Variants in MYH6 observed in about 807,000 individuals in gnomAD.
MYH6 encodes myosin heavy chain 6.
A neutral mutation model predicts 223.2 loss-of-function variants in MYH6; 126 were observed. The ratio of observed to expected loss-of-function variants is 0.56; its 90% CI spans 0.49 to 0.65. The LOEUF (loss-of-function observed/expected upper bound fraction) is 0.65, where lower values mean the gene tolerates loss of function less well. MYH6 is among the 30% of genes least tolerant of loss of function. The pLI is 0.00. For synonymous variants in MYH6, 978 were observed against 1,010.2 expected (o/e 0.97, Z 0.61); for missense variants, 2,040 against 2,536.4 (o/e 0.80, Z 4.20).
In MYH6 at chr14:23,399,056, G is replaced by A. The variant is rs368446209; in HGVS notation, c.1582-19C>T. 4.6e-5 allele frequency: 75 copies of A among 1,613,416 alleles called. No individual in the cohort carries two copies. Among genetic ancestry groups the A allele is most frequent in the Non-Finnish European group, 5.9e-5 (70 of 1,179,602 alleles). On this transcript the variant is annotated intron_variant, in intron 14 of 38. Coordinates refer to ENST00000405093, the MANE Select transcript of MYH6 (RefSeq NM_002471.4). ...CCATGGGCTGAGGGCAGGGTGAAGAGGCAAAGAGAGAATCACTGAGCACAC... is the reference window on the plus strand; with the variant it reads ...CCATGGGCTGAGGGCAGGGTGAAGAAGCAAAGAGAGAATCACTGAGCACAC...
chr14:23,389,534 G>A (rs774894700), intron 27 of MYH6, 23 bp from the exon 28 acceptor site: 2 of 1,614,224 alleles, frequency 1.2e-6, no homozygotes, highest in Non-Finnish European at 8.5e-7. Flanking sequence ...TGAGGGGCTT[G>A]TGGGCCATTT....
chr14:23,405,703 A>G lies in MYH6; in HGVS notation c.269T>C (p.Met90Thr), dbSNP rs919307122. The change falls in exon 4 of 39, where the codon ATG becomes ACG. Residue 90 changes from methionine (M) to threonine (T), a missense_variant. Physicochemically the swap from Met to Thr is moderately conservative, Grantham distance 81. This residue lies in a region of MYH6 where 184 missense variants were observed against 232.4 expected (regional missense o/e 0.79). Transcript: ENST00000405093. This position sits in a 1 kb window ranked among gnomAD's most constrained non-coding sequence, Gnocchi z 4.7. ...NPPKFDKIED[M>T]AMLTFLHEPA... ...CTCGTGCAGGAAGGTCAGCATGGCC[A>G]TGTCCTCAATCTTGTCGAACTTGGG... 7 of 1,614,046 alleles carry G rather than the reference A, an allele frequency of 4.3e-6. No individual in the cohort carries two copies. Among genetic ancestry groups the G allele is most frequent in the Non-Finnish European group, 5.9e-6 (7 of 1,180,024 alleles).
intron 36 of MYH6, among the ~76,000 whole-genome samples, 156 bp from the exon 37 acceptor site, chr14:23,383,476 T>C (rs1890923666): frequency 6.6e-6 from 1 of 152,164 alleles, no homozygotes; most frequent in Admixed American, 6.5e-5. Flanking sequence ...TCTGACTCTA[T>C]CGTAGGTCAA....
At chr14:23,402,245 G>A (rs1213766531) in intron 12 of MYH6, among the ~76,000 whole-genome samples, 1 of 152,166 alleles carries the variant, frequency 6.6e-6, no homozygotes, top group African/African-American at 2.4e-5. Context: ...GGCACAGGAG[G>A]AAAATTCCCC....
At chr14:23,406,917 C>A in intron 3 of MYH6, 106 bp downstream of exon 3, 1 of 1,256,652 alleles carries the variant, frequency 8.0e-7, no homozygotes, top group South Asian at 1.2e-5. Context: ...CCCCACTGGC[C>A]TTGGCTTTTC....
At chr14:23,393,318 A>G (rs1595056028) in intron 23 of MYH6, 24 bp downstream of exon 23, 1 of 1,614,068 alleles carries the variant, frequency 6.2e-7, no homozygotes, top group Non-Finnish European at 8.5e-7. Flanking sequence ...CTCTGAGAGC[A>G]GGAGCATGGT....
At position 23,405,075 on chromosome 14, in the gene MYH6, C is replaced by T; in HGVS notation, c.530+25G>A. The stretch of plus-strand genomic sequence containing the variant: ...GTGTATGCCCCCAGCCCAGTCCCTT[C>T]TGTGGGAGGATGGCACTCGCTCACG... On this transcript the variant is annotated intron_variant, in intron 6 of 38. Transcript: ENST00000405093. The surrounding 1 kb of genome is among the most constrained non-coding windows in gnomAD (Gnocchi z 4.7). 6.2e-7 allele frequency: 1 copy of T among 1,614,128 alleles called. No individual in the cohort carries two copies. Among genetic ancestry groups the T allele is most frequent in the Non-Finnish European group, 8.5e-7 (1 of 1,180,044 alleles).
Position 23,396,680 on chromosome 14 carries a change from G to A in MYH6, c.2292+14C>T. 1 of 1,614,006 alleles carries A rather than the reference G, an allele frequency of 6.2e-7. No individual in the cohort carries two copies. The highest frequency in any genetic ancestry group is 8.5e-7 in the Non-Finnish European group (1 of 1,179,880). Reference sequence around the variant, plus strand: ...CACCTGCCCTGCAACCACCCAGTGGGGCTCTAGACTCACCTTGGTGTGGCC... The same window carrying A: ...CACCTGCCCTGCAACCACCCAGTGGAGCTCTAGACTCACCTTGGTGTGGCC... On this transcript the variant is annotated intron_variant, in intron 19 of 38. Transcript: ENST00000405093.
At chr14:23,383,794 C>A (rs1022000300) in intron 36 of MYH6, among the ~76,000 whole-genome samples, 1 of 152,210 alleles carries the variant, frequency 6.6e-6, no homozygotes, top group Non-Finnish European at 1.5e-5. Context: ...ATCACTGGCT[C>A]CAACGTCACT....
At chr14:23,390,015 C>A in intron 26 of MYH6, 42 bp downstream of exon 26, 1 of 1,613,448 alleles carries the variant, frequency 6.2e-7, no homozygotes. Flanking sequence ...GGAGGCTCCG[C>A]TGTGCAGGGG....
Position 23,396,420 on chromosome 14 carries a change from C to A in MYH6, c.2293G>T (p.Val765Leu). 1 of 1,613,744 alleles carries A rather than the reference C, an allele frequency of 6.2e-7. No homozygotes were observed. Among genetic ancestry groups the A allele is most frequent in the Non-Finnish European group, 8.5e-7 (1 of 1,180,032 alleles). Residue 765 changes from valine to leucine, a missense_variant and splice_region_variant, in exon 20 of 39, where the codon GTG (valine) becomes TTG (leucine). Coordinates refer to ENST00000405093, the MANE Select transcript of MYH6 (RefSeq NM_002471.4). ...CCAAGCAGCCCTGCCTTGAAGAACA[C>A]CTGCAGGCAAGGGGTAGATGCAACA... ...HNQYKFGHTK[V>L]FFKAGLLGLL...
chr14:23,397,150 A>C lies in MYH6; in HGVS notation c.2050+20T>G. On this transcript the variant is annotated intron_variant, in intron 17 of 38. Transcript: ENST00000405093. ...GGATGCCAGCTGTCCTCCCCAGACT[A>C]AGGTCTTCTCCTGGCTCACCTGGAG... The C allele has an allele frequency of 6.2e-7, 1 of 1,614,154 alleles. No homozygotes were observed. Among genetic ancestry groups the C allele is most frequent in the Non-Finnish European group, 8.5e-7 (1 of 1,180,000 alleles).
chr14:23,389,526 A>C lies in MYH6; in HGVS notation c.3860-15T>G, dbSNP rs200883903. 58 of 1,614,088 alleles carry C rather than the reference A, an allele frequency of 3.6e-5. No individual in the cohort carries two copies. In the East Asian group the frequency reaches 7.4e-4, roughly 20 times the overall value. ...GGCCAACTCTCCTGGAGGTGAAATG[A>C]GGGGCTTGTGGGCCATTTCACAAGT... On this transcript the variant is annotated splice_polypyrimidine_tract_variant and intron_variant, in intron 27 of 38. Transcript: ENST00000405093.
At chr14:23,399,079 C>T (rs749490386) in intron 14 of MYH6, 42 bp from the exon 15 acceptor site, 2 of 1,607,498 alleles carry the variant, frequency 1.2e-6, no homozygotes, top group Non-Finnish European at 1.7e-6. Context: ...TCACTGAGCA[C>T]ACTCCCAGGC....
In MYH6 at chr14:23,407,286, C is replaced by T; in HGVS notation, c.-13-50G>A. 1 of 1,602,908 alleles carries T rather than the reference C, an allele frequency of 6.2e-7. No individual in the cohort carries two copies. Among genetic ancestry groups the T allele is most frequent in the Non-Finnish European group, 8.5e-7 (1 of 1,172,454 alleles). On this transcript the variant is annotated intron_variant, in intron 2 of 38. Transcript: ENST00000405093. The surrounding 1 kb of genome is among the most constrained non-coding windows in gnomAD (Gnocchi z 5.6). The stretch of plus-strand genomic sequence containing the variant: ...GTTACTCCTGAGGGAGCCCAGGCTC[C>T]AGCGAGTGGCTTTGTCCTCTGCAGC...
chr14:23,392,875 C>T (rs370201664), intron 24 of MYH6, 37 bp downstream of exon 24: 187 of 1,611,226 alleles, frequency 1.2e-4, no homozygotes, highest in Non-Finnish European at 1.6e-4. Context: ...AGGCCAGACA[C>T]CTCCATTAGC....
In MYH6 at chr14:23,382,295, C is replaced by T. The variant is rs150341982; in HGVS notation, c.5796+133G>A. On this transcript the variant is annotated intron_variant, in intron 38 of 38. Coordinates refer to ENST00000405093, the MANE Select transcript of MYH6 (RefSeq NM_002471.4). ...GCTGTTTTGAGCAGGAGAGTGGATT[C>T]TCAGGTTATGTAAGCTATGGGACCC... The T allele has an allele frequency of 9.3e-3, 13,096 of 1,401,140 alleles. 78 individuals carry two copies. Among genetic ancestry groups the T allele is most frequent in the Non-Finnish European group, 0.012 (11,818 of 1,000,366 alleles). 86.8% of individuals were successfully genotyped at this position (1,401,140 alleles called of 1,614,324 possible).
rs372270600 is a variant in MYH6, at chr14:23,384,945, C to T, written c.5260G>A (p.Glu1754Lys). The change falls in exon 35 of 39, where the codon GAG becomes AAG. Residue 1754 changes from glutamate (E) to lysine (K), a missense_variant. Coordinates refer to ENST00000405093, the MANE Select transcript of MYH6 (RefSeq NM_002471.4). Reference sequence around the variant, plus strand: ...GTGATGGCCTTCTTGGCCTTCTCCTCGGCGTTTCTGCACTCCTGCACTGCC... The same window carrying T: ...GTGATGGCCTTCTTGGCCTTCTCCTTGGCGTTTCTGCACTCCTGCACTGCC... Reference protein sequence around the residue: ...EEAVQECRNAEEKAKKAITDA... With the variant: ...EEAVQECRNAKEKAKKAITDA... 17 of 1,614,076 alleles carry T rather than the reference C, an allele frequency of 1.1e-5. No homozygotes were observed. Among genetic ancestry groups the T allele is most frequent in the African/African-American group, 6.7e-5 (5 of 74,930 alleles).
At chr14:23,393,268 C>A in intron 23 of MYH6, 74 bp downstream of exon 23, 1 of 1,591,974 alleles carries the variant, frequency 6.3e-7, no homozygotes, top group African/African-American at 1.3e-5. Context: ...TTCTAGGGAT[C>A]AGGACTTTCT....
Sources: allele counts gnomAD v4.1 joint callset (sites outside exome capture counted in the v4.1 genomes callset), GRCh38; gene constraint gnomAD v4.1.1; regional missense constraint gnomAD v4.1.1; non-coding constraint Gnocchi (gnomAD v3.1); transcripts MANE v1.5; gene names NCBI Gene and HGNC (gene_info 2026-07-23, HGNC 2026-07-21).